The following LSAMP variants were observed in gnomAD, a reference collection of about 807,000 sequenced individuals.
LSAMP encodes the protein limbic system associated membrane protein, also known as limbic system-associated membrane protein.
Under a neutral mutation model 38.6 loss-of-function variants are expected in LSAMP, and 7 were observed. The ratio of observed to expected loss-of-function variants is 0.18; its 90% CI spans 0.10 to 0.34. The LOEUF (loss-of-function observed/expected upper bound fraction) is 0.34, where lower values mean the gene tolerates loss of function less well. Among genes scored for constraint, LSAMP ranks in the 10% least tolerant of loss-of-function variants. LSAMP has a pLI of 1.00. For synonymous variants in LSAMP, 154 were observed against 166.8 expected (o/e 0.92, Z 0.59); for missense variants, 313 against 420.0 (o/e 0.75, Z 2.23).
chr3:116,096,364 T>C (rs1233267328), intron 1 of LSAMP, among the ~76,000 whole-genome samples: 1 of 152,248 alleles, frequency 6.6e-6, no homozygotes, highest in African/African-American at 2.4e-5. Context: ...CTCCCAGATA[T>C]TGTGGCTCAA....
At chr3:115,953,640 T>G (rs1406333925) in intron 3 of LSAMP, among the ~76,000 whole-genome samples, 3 of 152,230 alleles carry the variant, frequency 2.0e-5, no homozygotes, top group East Asian at 3.9e-4. Flanking sequence ...ACTCGGAGAT[T>G]AAAAGGGCAA....
chr3:116,243,471 T>C (rs2046566079), intron 1 of LSAMP, among the ~76,000 whole-genome samples: 1 of 152,224 alleles, frequency 6.6e-6, no homozygotes, highest in African/African-American at 2.4e-5. Flanking sequence ...TTCTATTTTT[T>C]TCACTTTTCT....
intron 3 of LSAMP, among the ~76,000 whole-genome samples, chr3:115,930,986 C>A (rs773254200): frequency 6.6e-6 from 1 of 152,122 alleles, no homozygotes; most frequent in Admixed American, 6.6e-5. Flanking sequence ...TAAATTGAAG[C>A]CAGTCCTAGG....
At chr3:116,021,493 C>T (rs1940636866) in intron 2 of LSAMP, among the ~76,000 whole-genome samples, 1 of 152,050 alleles carries the variant, frequency 6.6e-6, no homozygotes, top group South Asian at 2.1e-4. Context: ...TTCAAAACAA[C>T]TGCAATGAAC....
At chr3:115,866,008 A>G (rs563820391) in intron 3 of LSAMP, among the ~76,000 whole-genome samples, 1 of 152,178 alleles carries the variant, frequency 6.6e-6, no homozygotes, top group Admixed American at 6.5e-5. Context: ...TGTCACATGG[A>G]TTTTTTACAT....
chr3:115,930,009 T>TTTTTTTG (rs1464079207), intron 3 of LSAMP, among the ~76,000 whole-genome samples: 1 of 137,100 alleles, frequency 7.3e-6, no homozygotes, highest in Non-Finnish European at 1.6e-5. Flanking sequence ...GAAGTTTTTT[T>TTTTTTTG]TTTTTTTTTT....
At chr3:116,134,048 T>C (rs17631108) in intron 1 of LSAMP, among the ~76,000 whole-genome samples, 27,096 of 152,120 alleles carry the variant, frequency 0.18, 2,509 homozygotes, top group Admixed American at 0.22. Context: ...GAATATGATC[T>C]GAACAGGCCA....
In LSAMP at chr3:116,400,774, G is replaced by A. The variant is rs1408161913; in HGVS notation, c.155+44103C>T. On this transcript the variant is annotated intron_variant, in intron 1 of 6. Coordinates refer to ENST00000490035, the MANE Select transcript of LSAMP (RefSeq NM_002338.5). ...ATTACAGCGTGAGCCACCACTCCCG[G>A]CCTGATCTTGTTTCTTTTAGATACC... 2.0e-5 allele frequency among the ~76,000 whole-genome samples: 3 copies of A among 152,108 alleles called. No individual in the cohort carries two copies. The East Asian group carries it at 5.8e-4, about 29-fold the overall frequency.
chr3:115,861,166 C>A (rs57771135), intron 3 of LSAMP, among the ~76,000 whole-genome samples: 1 of 119,280 alleles, frequency 8.4e-6, no homozygotes, highest in South Asian at 3.2e-4. Context: ...TCCTTCCTTC[C>A]TTCCTTCCTT....
chr3:115,938,196 TGA>T (rs1430135468), intron 3 of LSAMP, among the ~76,000 whole-genome samples: 2 of 152,182 alleles, frequency 1.3e-5, no homozygotes, highest in Non-Finnish European at 2.9e-5. Flanking sequence ...TAATTTATTA[TGA>T]GTGTGGTTTA....
At chr3:116,414,467 G>T (rs2049022622) in intron 1 of LSAMP, among the ~76,000 whole-genome samples, 1 of 151,992 alleles carries the variant, frequency 6.6e-6, no homozygotes, top group Admixed American at 6.6e-5. Flanking sequence ...TTCTTCATCA[G>T]ACATATTTTG....
intron 1 of LSAMP, among the ~76,000 whole-genome samples, chr3:116,391,164 T>G (rs1385734952): frequency 6.6e-6 from 1 of 152,222 alleles, no homozygotes; most frequent in East Asian, 1.9e-4. Flanking sequence ...AGGGAATGAT[T>G]CCGGGGAAAT....
At chr3:116,384,692 A>G (rs1157589048) in intron 1 of LSAMP, among the ~76,000 whole-genome samples, 2 of 152,124 alleles carry the variant, frequency 1.3e-5, no homozygotes, top group Non-Finnish European at 1.5e-5. Flanking sequence ...GAAGCAGAGA[A>G]AAGGTAGCTT....
At chr3:116,038,703 G>A (rs1265126221) in intron 2 of LSAMP, among the ~76,000 whole-genome samples, 2 of 152,160 alleles carry the variant, frequency 1.3e-5, no homozygotes, top group Non-Finnish European at 2.9e-5. Context: ...ATTGAAGGCT[G>A]TTCATTTGGC....
At chr3:115,854,275 TATTATTA>T (rs1443289163) in intron 3 of LSAMP, among the ~76,000 whole-genome samples, 25 of 120,214 alleles carry the variant, frequency 2.1e-4, no homozygotes, top group African/African-American at 7.8e-4. Context: ...TTATTATTAT[TATTATTA>T]TTTTTTTTTT....
At chr3:116,179,781 A>G (rs1396882067) in intron 1 of LSAMP, among the ~76,000 whole-genome samples, 3 of 152,198 alleles carry the variant, frequency 2.0e-5, no homozygotes, top group Non-Finnish European at 2.9e-5. Context: ...ACATTTTGAC[A>G]TGAAATTTGG....
intron 1 of LSAMP, among the ~76,000 whole-genome samples, chr3:116,277,783 T>G (rs1297728492): frequency 6.6e-6 from 1 of 152,222 alleles, no homozygotes; most frequent in Non-Finnish European, 1.5e-5. Context: ...AGGTTGTGGC[T>G]GTCCCTGGAC....
chr3:115,919,348 A>T (rs1212062462), intron 3 of LSAMP, among the ~76,000 whole-genome samples: 1 of 152,176 alleles, frequency 6.6e-6, no homozygotes, highest in East Asian at 1.9e-4. Context: ...TAATAACTAG[A>T]TAGCTTCTCA....
At chr3:115,924,908 G>C (rs1373839289) in intron 3 of LSAMP, among the ~76,000 whole-genome samples, 3 of 152,104 alleles carry the variant, frequency 2.0e-5, no homozygotes, top group African/African-American at 7.2e-5. Flanking sequence ...CCCTGCTCTG[G>C]CCTTTCTCTT....
Sources: gnomAD v4.1 joint callset for allele counts (sites outside exome capture counted in the v4.1 genomes callset) on GRCh38, gnomAD v4.1.1 for gene constraint, MANE v1.5 for transcripts, NCBI Gene and HGNC (gene_info 2026-07-23, HGNC 2026-07-21) for gene names.